ADAMTSL1: variants seen among roughly 807,000 people sequenced by gnomAD.
ADAMTSL1 encodes the protein ADAMTS like 1, also known as ADAMTS-like protein 1.
ADAMTSL1 carries 126 observed loss-of-function variants against 201.8 expected under a neutral mutation model. The observed-to-expected ratio is 0.62, with a 90% CI of 0.54 to 0.72. The LOEUF is 0.72. Ranked by LOEUF, ADAMTSL1 falls within the 30% of genes least tolerant of loss-of-function variation. ADAMTSL1 has a pLI of 0.00. For synonymous variants in ADAMTSL1, 1,121 were observed against 903.4 expected (o/e 1.24, Z -4.32); for missense variants, 2,679 against 2,277.8 (o/e 1.18, Z -3.59).
chr9:18,207,059 G>A (rs1218316479), intron 2 of ADAMTSL1, among the ~76,000 whole-genome samples: 1 of 152,216 alleles, frequency 6.6e-6, no homozygotes, highest in East Asian at 1.9e-4. Context: ...CAGCTACTCA[G>A]GAGGCTCAGG....
intron 14 of ADAMTSL1, among the ~76,000 whole-genome samples, chr9:18,711,873 G>C (rs1832629733): frequency 6.6e-6 from 1 of 151,882 alleles, no homozygotes; most frequent in Admixed American, 6.6e-5. Flanking sequence ...GAGAGCAGTG[G>C]TTCTCCCAGC....
At chr9:18,154,723 A>AT (rs896825366) in intron 1 of ADAMTSL1, among the ~76,000 whole-genome samples, 2 of 152,164 alleles carry the variant, frequency 1.3e-5, no homozygotes, top group South Asian at 2.1e-4. Context: ...GACAAAAACA[A>AT]TTTTTTTGAA....
chr9:18,599,218 A>C (rs1824467863), intron 4 of ADAMTSL1, among the ~76,000 whole-genome samples: 1 of 152,206 alleles, frequency 6.6e-6, no homozygotes, highest in South Asian at 2.1e-4. Flanking sequence ...TTAGGGATGA[A>C]AGGATTTGTT....
intron 1 of ADAMTSL1, among the ~76,000 whole-genome samples, chr9:18,040,938 A>G (rs185687806): frequency 8.1e-4 from 123 of 152,280 alleles, no homozygotes; most frequent in Admixed American, 1.9e-3. Context: ...TTTGGCACCA[A>G]TTGGTTTTAA....
At chr9:18,071,191 A>G (rs1416571466) in intron 1 of ADAMTSL1, among the ~76,000 whole-genome samples, 1 of 152,232 alleles carries the variant, frequency 6.6e-6, no homozygotes, top group Non-Finnish European at 1.5e-5. Context: ...CAAGTTGACA[A>G]TAGTCCCATG....
At position 18,715,043 on chromosome 9, in the gene ADAMTSL1, C is replaced by T. The variant is rs1488079809; in HGVS notation, c.1877-6493C>T. Among the ~76,000 whole-genome samples, 2 of 49,410 alleles carry T rather than the reference C, an allele frequency of 4.0e-5. 1 individual carries two copies. Among genetic ancestry groups the T allele is most frequent in the East Asian group, 1.4e-3 (2 of 1,476 alleles). 32.4% of individuals were successfully genotyped at this position (49,410 alleles called of 152,430 possible). ...TGCAGAAAAGGCCTTTGACAAAATT[C>T]ATGCTAAAAACTCTCAATAAATTAG... On this transcript the variant is annotated intron_variant, in intron 14 of 28. Transcript: ENST00000380548.
At position 17,974,516 on chromosome 9, in the gene ADAMTSL1, C is replaced by T. The variant is rs147545975; in HGVS notation, c.87+67594C>T. On this transcript the variant is annotated intron_variant, in intron 1 of 29. Coordinates refer to the ADAMTSL1 transcript ENST00000680146. ...CTTTGTACCTTTTGACCAACATCTCCCCAATGTTCCCACCCCTCAGCCCCT... is the reference window on the plus strand; with the variant it reads ...CTTTGTACCTTTTGACCAACATCTCTCCAATGTTCCCACCCCTCAGCCCCT... Among the ~76,000 whole-genome samples, 225 of 152,070 alleles carry T rather than the reference C, an allele frequency of 1.5e-3. 1 individual carries two copies. Among genetic ancestry groups the T allele is most frequent in the African/African-American group, 5.1e-3 (211 of 41,516 alleles).
intron 2 of ADAMTSL1, among the ~76,000 whole-genome samples, chr9:18,532,104 T>G (rs1056335690): frequency 1.8e-4 from 27 of 152,230 alleles, no homozygotes; most frequent in African/African-American, 6.5e-4. Flanking sequence ...TTGTAGTGTA[T>G]CTTTACTTTT....
At chr9:18,043,654 C>A (rs1448579788) in intron 1 of ADAMTSL1, among the ~76,000 whole-genome samples, 1 of 151,986 alleles carries the variant, frequency 6.6e-6, no homozygotes, top group African/African-American at 2.4e-5. Flanking sequence ...GGGCAGAAGA[C>A]TACATTTGGC....
At chr9:18,654,175 G>A (rs1379322896) in intron 7 of ADAMTSL1, among the ~76,000 whole-genome samples, 1 of 152,230 alleles carries the variant, frequency 6.6e-6, no homozygotes, top group East Asian at 1.9e-4. Context: ...GTTGCAGTGA[G>A]CTGAGATCAC....
chr9:18,408,680 G>T (rs1818305635), intron 2 of ADAMTSL1, among the ~76,000 whole-genome samples: 1 of 152,116 alleles, frequency 6.6e-6, no homozygotes, highest in Non-Finnish European at 1.5e-5. Flanking sequence ...TCTCATTCTA[G>T]ATATGAAATC....
intron 3 of ADAMTSL1, among the ~76,000 whole-genome samples, chr9:18,555,062 CT>C (rs1821026066): frequency 6.6e-6 from 1 of 151,904 alleles, no homozygotes; most frequent in South Asian, 2.1e-4. Context: ...AACTACCAGT[CT>C]TTTTATTGTC....
chr9:18,634,154 C>T (rs1826953964), intron 5 of ADAMTSL1, among the ~76,000 whole-genome samples: 1 of 151,884 alleles, frequency 6.6e-6, no homozygotes, highest in Non-Finnish European at 1.5e-5. Flanking sequence ...ACTAAATTCT[C>T]CTAAAGATAG....
At chr9:18,234,537 A>G (rs1247407938) in intron 2 of ADAMTSL1, among the ~76,000 whole-genome samples, 1 of 152,178 alleles carries the variant, frequency 6.6e-6, no homozygotes, top group African/African-American at 2.4e-5. Flanking sequence ...GACTTGTACT[A>G]TTAATAAATG....
At chr9:18,521,910 C>T (rs558539602) in intron 2 of ADAMTSL1, among the ~76,000 whole-genome samples, 1 of 152,240 alleles carries the variant, frequency 6.6e-6, no homozygotes, top group Non-Finnish European at 1.5e-5. Flanking sequence ...CTTTCTCTCC[C>T]ATGTGAGGTA....
At position 18,889,740 on chromosome 9, in the gene ADAMTSL1, C is replaced by A; in HGVS notation, c.4635C>A (p.Cys1545Ter). 6.7e-7 allele frequency: 1 copy of A among 1,503,404 alleles called. No homozygotes were observed. Among genetic ancestry groups the A allele is most frequent in the Non-Finnish European group, 8.9e-7 (1 of 1,126,308 alleles). 93.1% of individuals were successfully genotyped at this position (1,503,404 alleles called of 1,614,324 possible). Residue 1545 changes from cysteine (C) to a stop codon, truncating the protein, a stop_gained, in exon 25 of 29, where the codon TGC (cysteine) becomes TGA (stop). Transcript: ENST00000380548. LOFTEE classifies it high-confidence loss of function. The part of the protein sequence containing the change: ...VQPIACNRRD[C>*]PSRWMVTSWS... ...CCATCGCGTGCAACCGGAGAGACTG[C>A]CCTTCTCGGTGAGTGCAGCGGACAC...
At chr9:17,995,593 C>T (rs2131512591) in intron 1 of ADAMTSL1, among the ~76,000 whole-genome samples, 1 of 152,106 alleles carries the variant, frequency 6.6e-6, no homozygotes, top group Admixed American at 6.6e-5. Flanking sequence ...TTTACTTCAG[C>T]TTTATTATTT....
chr9:18,905,650 G>T, intron 26 of ADAMTSL1, 132 bp from the exon 27 acceptor site: 1 of 656,856 alleles, frequency 1.5e-6, no homozygotes, highest in Non-Finnish European at 2.7e-6. Flanking sequence ...GCCCAAAGAG[G>T]GGAAAGATGA....
intron 1 of ADAMTSL1, among the ~76,000 whole-genome samples, chr9:18,079,487 C>T (rs1823380711): frequency 6.6e-6 from 1 of 151,908 alleles, no homozygotes; most frequent in Non-Finnish European, 1.5e-5. Context: ...TTGAGACCAT[C>T]CTGGCTAACA....
Sources: gnomAD v4.1 joint callset for allele counts (sites outside exome capture counted in the v4.1 genomes callset) on GRCh38, gnomAD v4.1.1 for gene constraint, MANE v1.5 for transcripts, NCBI Gene and HGNC (gene_info 2026-07-23, HGNC 2026-07-21) for gene names.